Variants in ISM1 observed in about 807,000 individuals in gnomAD.
ISM1 encodes the protein isthmin-1.
In ISM1, 25 loss-of-function variants were observed where a neutral mutation model predicts 46.3. The observed-to-expected ratio is 0.54, with a 90% CI of 0.39 to 0.75. The LOEUF (loss-of-function observed/expected upper bound fraction) is 0.75, where lower values mean the gene tolerates loss of function less well. ISM1 is among the 30% of genes least tolerant of loss of function. The probability of loss-of-function intolerance (pLI) is 0.00; values close to 1 mark genes in which losing one functional copy is unlikely to be tolerated. For synonymous variants in ISM1, 255 were observed against 256.7 expected, an observed-to-expected ratio of 0.99 and a Z score of 0.06; for missense variants, 536 against 625.4, an observed-to-expected ratio of 0.86 and a Z score of 1.52.
At chr20:13,257,914 T>C (rs1243451699) in intron 1 of ISM1, among the ~76,000 whole-genome samples, 5 of 151,966 alleles carry the variant, frequency 3.3e-5, no homozygotes, top group South Asian at 2.1e-4. Context: ...AGCTCCAGGG[T>C]AGAAATTAGG....
At chr20:13,243,466 C>T (rs1175693198) in intron 1 of ISM1, among the ~76,000 whole-genome samples, 1 of 152,166 alleles carries the variant, frequency 6.6e-6, no homozygotes, top group Admixed American at 6.5e-5. Context: ...GCCCTCTCTG[C>T]CTCATTACTC....
At chr20:13,223,166 ATAAAAT>A (rs1180352591) in intron 1 of ISM1, among the ~76,000 whole-genome samples, 2 of 144,282 alleles carry the variant, frequency 1.4e-5, no homozygotes, top group African/African-American at 5.2e-5. Context: ...CAAAAAAAAA[ATAAAAT>A]AAAATAAAAT....
intron 1 of ISM1, among the ~76,000 whole-genome samples, chr20:13,266,744 A>G (rs2040047371): frequency 6.6e-6 from 1 of 152,212 alleles, no homozygotes; most frequent in African/African-American, 2.4e-5. Flanking sequence ...TTCCTAAGGT[A>G]TCATTTTCAG....
chr20:13,230,047 CATTT>C (rs1390830362), intron 1 of ISM1, among the ~76,000 whole-genome samples: 1 of 152,148 alleles, frequency 6.6e-6, no homozygotes, highest in Non-Finnish European at 1.5e-5. Context: ...GCTGTTCCTT[CATTT>C]ATTCACTTCT....
chr20:13,296,377 A>G (rs1312808200), intron 5 of ISM1, among the ~76,000 whole-genome samples: 1 of 152,240 alleles, frequency 6.6e-6, no homozygotes, highest in Non-Finnish European at 1.5e-5. Context: ...ATCCCCATCA[A>G]TAAAAACAAA....
chr20:13,318,493 C>T, the ISM1 span, among the ~76,000 whole-genome samples: 3 of 152,172 alleles, frequency 2.0e-5, no homozygotes, highest in African/African-American at 7.2e-5. Flanking sequence ...ACCCAAAAAA[C>T]TTGAAAAATT....
rs545397960 is a variant in ISM1, at chr20:13,231,812, C to T, written c.138+9898C>T. 2.7e-3 allele frequency among the ~76,000 whole-genome samples: 404 copies of T among 152,234 alleles called. 3 individuals are homozygous for T. The highest frequency in any genetic ancestry group is 5.1e-3 in the Non-Finnish European group (347 of 68,020). ...CTTCAAGTTTGGGTCTCTGAGCTGC[C>T]TGATTTGCAGTTTTGAGTACCCCAA... On this transcript the variant is annotated intron_variant, in intron 1 of 5. Transcript: ENST00000262487.
intron 4 of ISM1, among the ~76,000 whole-genome samples, chr20:13,289,818 A>G (rs1322865274): frequency 6.6e-6 from 1 of 152,230 alleles, no homozygotes; most frequent in Non-Finnish European, 1.5e-5. Flanking sequence ...ATTGCCAGGT[A>G]GAATACCAGC....
At chr20:13,261,867 G>A (rs530802042) in intron 1 of ISM1, among the ~76,000 whole-genome samples, 2 of 152,308 alleles carry the variant, frequency 1.3e-5, no homozygotes, top group South Asian at 2.1e-4. Context: ...ATGTCCTTTG[G>A]CTTAATTTCC....
At position 13,270,526 on chromosome 20, in the gene ISM1, ACAC is replaced by A; in HGVS notation, c.165_167del (p.Thr56del). The A allele has an allele frequency of 6.2e-7, 1 of 1,613,518 alleles. No individual in the cohort carries two copies. The highest frequency in any genetic ancestry group is 8.5e-7 in the Non-Finnish European group (1 of 1,179,738). On this transcript the variant is annotated inframe_deletion, in exon 2 of 6. Transcript: ENST00000262487. ...TAGAATAACCTCAACGTGGGAAGTGACACCACATCAGAAACCAGCTTTTCTCTC... is the reference window on the plus strand; with the variant it reads ...TAGAATAACCTCAACGTGGGAAGTGACACATCAGAAACCAGCTTTTCTCTC...
At chr20:13,315,998 T>C in the ISM1 span, among the ~76,000 whole-genome samples, 1 of 151,946 alleles carries the variant, frequency 6.6e-6, no homozygotes, top group East Asian at 1.9e-4. Context: ...GCAAAAGTAG[T>C]GCTTAAAGGG....
At position 13,221,674 on chromosome 20, in the gene ISM1, A is replaced by AGCCGCGCT. The variant is rs2039449803; in HGVS notation, c.-98_-91dup. 9.8e-7 allele frequency: 1 copy of AGCCGCGCT among 1,022,882 alleles called. No individual in the cohort carries two copies. Among genetic ancestry groups the AGCCGCGCT allele is most frequent in the Non-Finnish European group, 1.2e-6 (1 of 807,686 alleles). The allele number at this position is 1,022,882 out of a possible 1,614,324, so 63.4% of individuals were successfully genotyped here. A position where few individuals can be genotyped will look rare whatever the true frequency, so the allele number is the denominator to read the frequency against. On this transcript the variant is annotated 5_prime_UTR_variant, in exon 1 of 6. The change abolishes the stop of an existing upstream ORF in the 5' untranslated region. Coordinates refer to ENST00000262487, the MANE Select transcript of ISM1 (RefSeq NM_080826.2). ...GAGCCCTGGCGGGAGCCGAGGCGGG[A>AGCCGCGCT]GCCGCGCTGCCGGGCTCCCGGGCTC...
chr20:13,241,181 C>T (rs2039717817), intron 1 of ISM1, among the ~76,000 whole-genome samples: 1 of 152,146 alleles, frequency 6.6e-6, no homozygotes. Context: ...AGGTCACCAA[C>T]TGCTCTGCAG....
At chr20:13,251,829 A>G (rs1459102154) in intron 1 of ISM1, among the ~76,000 whole-genome samples, 7 of 152,160 alleles carry the variant, frequency 4.6e-5, no homozygotes, top group Admixed American at 2.6e-4. Context: ...GAGGGTGAGC[A>G]CTTAGAACTT....
At chr20:13,315,563 C>T in the ISM1 span, among the ~76,000 whole-genome samples, 1 of 152,066 alleles carries the variant, frequency 6.6e-6, no homozygotes, top group Admixed American at 6.6e-5. Flanking sequence ...TGCAAAAAGA[C>T]ATAGATGAAT....
chr20:13,222,860 C>G (rs1369296915), intron 1 of ISM1, among the ~76,000 whole-genome samples: 1 of 152,190 alleles, frequency 6.6e-6, no homozygotes, highest in African/African-American at 2.4e-5. Flanking sequence ...AGGGGATTCT[C>G]TGGCTCCTAA....
At chr20:13,322,024 T>C in the ISM1 span, among the ~76,000 whole-genome samples, 2 of 152,232 alleles carry the variant, frequency 1.3e-5, no homozygotes, top group South Asian at 2.1e-4. Context: ...ATTTATATTA[T>C]GGAAATTGTG....
chr20:13,274,546 C>T lies in ISM1; in HGVS notation c.378+3803C>T, dbSNP rs187662291. Among the ~76,000 whole-genome samples the T allele has an allele frequency of 2.6e-3, 395 of 152,294 alleles. 2 individuals are homozygous for T. The highest frequency in any genetic ancestry group is 8.7e-3 in the African/African-American group (363 of 41,558). Reference sequence around the variant, plus strand: ...ATACCCGCCTTCCCCTCCGCACCTCCCCACCCCTTCAGGCTCTGGAAGTGT... The same window carrying T: ...ATACCCGCCTTCCCCTCCGCACCTCTCCACCCCTTCAGGCTCTGGAAGTGT... On this transcript the variant is annotated intron_variant, in intron 2 of 5. Coordinates refer to ENST00000262487, the MANE Select transcript of ISM1 (RefSeq NM_080826.2).
chr20:13,284,459 G>A (rs980308564), intron 3 of ISM1, among the ~76,000 whole-genome samples: 3 of 152,192 alleles, frequency 2.0e-5, no homozygotes, highest in Non-Finnish European at 4.4e-5. Context: ...TCCTGCCGTT[G>A]TCATTATCTT....
Sources: allele counts gnomAD v4.1 joint callset (sites outside exome capture counted in the v4.1 genomes callset), GRCh38; gene constraint gnomAD v4.1.1; transcripts MANE v1.5; gene names NCBI Gene and HGNC (gene_info 2026-07-23, HGNC 2026-07-21).